The following PDE2A variants were observed in gnomAD, a reference collection of about 807,000 sequenced individuals.
PDE2A encodes cGMP-dependent 3',5'-cyclic phosphodiesterase.
A neutral mutation model predicts 133.6 loss-of-function variants in PDE2A; 53 were observed. The observed-to-expected ratio is 0.40, with a 90% CI of 0.32 to 0.50. The LOEUF is 0.50. Among genes scored for constraint, PDE2A ranks in the 20% least tolerant of loss-of-function variants. The pLI is 0.73. For synonymous variants in PDE2A, 491 were observed against 490.2 expected (o/e 1.00, Z -0.02); for missense variants, 796 against 1,232.4 (o/e 0.65, Z 5.30).
At chr11:72,600,635 A>G (rs1044673444) in intron 4 of PDE2A, among the ~76,000 whole-genome samples, 1 of 151,658 alleles carries the variant, frequency 6.6e-6, no homozygotes, top group Admixed American at 6.6e-5. Flanking sequence ...CACTGCTCAG[A>G]CCCCCGATAG....
chr11:72,645,813 C>A (rs934956006), intron 1 of PDE2A, among the ~76,000 whole-genome samples: 1 of 152,240 alleles, frequency 6.6e-6, no homozygotes, highest in African/African-American at 2.4e-5. Context: ...GTGTGCCTCA[C>A]ATTTCATCTT....
At chr11:72,632,627 T>C (rs971600644) in intron 2 of PDE2A, among the ~76,000 whole-genome samples, 1 of 152,188 alleles carries the variant, frequency 6.6e-6, no homozygotes, top group African/African-American at 2.4e-5. Flanking sequence ...GATAAGTGCC[T>C]GACCCAGGGC....
intron 4 of PDE2A, among the ~76,000 whole-genome samples, chr11:72,600,599 AC>A (rs1358605394): frequency 5.9e-5 from 9 of 151,970 alleles, no homozygotes; most frequent in Admixed American, 5.9e-4. Context: ...AGTCTCCCCC[AC>A]CCACATGGGA....
At chr11:72,648,636 A>C (rs1859194087) in intron 1 of PDE2A, among the ~76,000 whole-genome samples, 1 of 152,092 alleles carries the variant, frequency 6.6e-6, no homozygotes, top group Admixed American at 6.5e-5. Context: ...AACCCATAGG[A>C]TTCTAGTCCA....
At chr11:72,605,104 C>T in intron 4 of PDE2A, 34 bp downstream of exon 4, 1 of 1,406,510 alleles carries the variant, frequency 7.1e-7, no homozygotes, top group Non-Finnish European at 1.0e-6. Flanking sequence ...CTTGGCCATG[C>T]AAGAGGGCAA....
intron 24 of PDE2A, 65 bp from the exon 25 acceptor site, chr11:72,580,689 C>T: frequency 7.7e-7 from 1 of 1,296,562 alleles, no homozygotes; most frequent in Non-Finnish European, 1.1e-6. Context: ...CTGCTTTAGG[C>T]TGAGCAGTGT....
intron 30 of PDE2A, 31 bp from the exon 31 acceptor site, chr11:72,577,625 G>A: frequency 6.6e-7 from 1 of 1,514,050 alleles, no homozygotes; most frequent in African/African-American, 1.4e-5. Context: ...GAGGGCGAGA[G>A]GCCAGAAATC....
intron 2 of PDE2A, among the ~76,000 whole-genome samples, chr11:72,627,904 GC>G (rs34274987): frequency 6.6e-6 from 1 of 152,220 alleles, no homozygotes; most frequent in Non-Finnish European, 1.5e-5. Context: ...CAGAGGCCTG[GC>G]CCTGAAGGAG....
chr11:72,632,943 T>C (rs1288407818), intron 2 of PDE2A, among the ~76,000 whole-genome samples: 1 of 152,172 alleles, frequency 6.6e-6, no homozygotes, highest in East Asian at 1.9e-4. Flanking sequence ...GAGGGGATTC[T>C]TAGCTAGGTA....
chr11:72,610,510 A>C (rs1259693122), intron 2 of PDE2A, among the ~76,000 whole-genome samples: 1 of 151,968 alleles, frequency 6.6e-6, no homozygotes, highest in Admixed American at 6.6e-5. Flanking sequence ...TCCCCCACCC[A>C]ATCCAGTGTT....
At chr11:72,585,037 C>T in intron 16 of PDE2A, 93 bp from the exon 17 acceptor site, 1 of 1,277,504 alleles carries the variant, frequency 7.8e-7, no homozygotes, top group Non-Finnish European at 1.1e-6. Context: ...ATTTCCGAGG[C>T]CTGGGAGGAG....
chr11:72,609,319 C>A (rs1857103455), intron 2 of PDE2A, among the ~76,000 whole-genome samples: 1 of 152,154 alleles, frequency 6.6e-6, no homozygotes, highest in South Asian at 2.1e-4. Context: ...CACAGAATGC[C>A]CAACACAGAG....
At chr11:72,651,640 C>T (rs948813980) in intron 1 of PDE2A, among the ~76,000 whole-genome samples, 35 of 152,152 alleles carry the variant, frequency 2.3e-4, no homozygotes, top group African/African-American at 8.0e-4. Context: ...TGAGAAGAGG[C>T]TCAAAAGTAT....
At chr11:72,610,016 T>C (rs1857135321) in intron 2 of PDE2A, among the ~76,000 whole-genome samples, 1 of 152,044 alleles carries the variant, frequency 6.6e-6, no homozygotes, top group Non-Finnish European at 1.5e-5. Flanking sequence ...GACCATCCCC[T>C]GTTCATTGTG....
chr11:72,577,239 G>C lies in PDE2A; in HGVS notation c.*145C>G, dbSNP rs983847711. On this transcript the variant is annotated 3_prime_UTR_variant, in exon 31 of 31. Transcript: ENST00000334456. Reference sequence around the variant, plus strand: ...CCATTATACAGACGAGAAAGCTGAGGCCCAGGAAGGTAGTACTTGTCCAGG... The same window carrying C: ...CCATTATACAGACGAGAAAGCTGAGCCCCAGGAAGGTAGTACTTGTCCAGG... 1.6e-6 allele frequency: 1 copy of C among 615,578 alleles called. No individual in the cohort carries two copies. Among genetic ancestry groups the C allele is most frequent in the African/African-American group, 1.8e-5 (1 of 54,212 alleles). The allele number at this position is 615,578 out of a possible 1,614,324, so 38.1% of individuals were successfully genotyped here.
At chr11:72,585,243 G>A in intron 16 of PDE2A, 128 bp downstream of exon 16, 1 of 792,198 alleles carries the variant, frequency 1.3e-6, no homozygotes, top group African/African-American at 1.7e-5. Flanking sequence ...ATGAAATAAA[G>A]GATCCCTCAA....
intron 1 of PDE2A, chr11:72,649,176 C>T (rs11600831): frequency 0.16 from 24,955 of 152,264 alleles, 2,175 homozygotes; most frequent in South Asian, 0.23. Flanking sequence ...CAATACTTCT[C>T]ATCACGGTCT....
chr11:72,641,337 C>T (rs965876808), intron 2 of PDE2A, among the ~76,000 whole-genome samples: 3 of 152,154 alleles, frequency 2.0e-5, no homozygotes, highest in Admixed American at 6.5e-5. Flanking sequence ...ACATGGGGGG[C>T]GGGGGTGTCC....
intron 1 of PDE2A, among the ~76,000 whole-genome samples, chr11:72,664,369 T>G (rs1855167323): frequency 8.2e-6 from 1 of 122,246 alleles, no homozygotes; most frequent in African/African-American, 3.3e-5. Flanking sequence ...GAAGGATTTT[T>G]TTTTTTTTTT....
Sources: allele counts gnomAD v4.1 joint callset (sites outside exome capture counted in the v4.1 genomes callset), GRCh38; gene constraint gnomAD v4.1.1; transcripts MANE v1.5; gene names NCBI Gene and HGNC (gene_info 2026-07-23, HGNC 2026-07-21).